PPP2R2C: variants seen among roughly 807,000 people sequenced by gnomAD.
PPP2R2C encodes the protein protein phosphatase 2 regulatory subunit Bgamma.
Under a neutral mutation model 45.3 loss-of-function variants are expected in PPP2R2C, and 10 were observed. The observed-to-expected ratio is 0.22, with a 90% CI of 0.14 to 0.37. The LOEUF (loss-of-function observed/expected upper bound fraction) is 0.37. PPP2R2C is among the 10% of genes least tolerant of loss of function. The probability of loss-of-function intolerance (pLI) is 1.00; values close to 1 mark genes in which losing one functional copy is unlikely to be tolerated. For synonymous variants in PPP2R2C, 257 were observed against 245.4 expected (o/e 1.05, Z -0.44); for missense variants, 308 against 619.7 (o/e 0.50, Z 5.34).
chr4:6,421,942 G>A (rs1271999136), intron 1 of PPP2R2C, among the ~76,000 whole-genome samples: 5 of 152,226 alleles, frequency 3.3e-5, no homozygotes, highest in African/African-American at 1.2e-4. Flanking sequence ...CAGAATGTAA[G>A]TGAAGTCAAC....
chr4:6,353,071 C>T (rs1425933603), intron 5 of PPP2R2C, among the ~76,000 whole-genome samples: 13 of 152,090 alleles, frequency 8.5e-5, no homozygotes, highest in Admixed American at 7.2e-4. Context: ...AGAGAGAGCA[C>T]GGCCCTGCCA....
At chr4:6,422,322 G>C (rs1719028745) in intron 1 of PPP2R2C, among the ~76,000 whole-genome samples, 1 of 152,206 alleles carries the variant, frequency 6.6e-6, no homozygotes, top group Non-Finnish European at 1.5e-5. Context: ...AGTGGACCAG[G>C]GTTCAACTAT....
chr4:6,415,910 C>T (rs1718547144), intron 1 of PPP2R2C, among the ~76,000 whole-genome samples: 1 of 152,210 alleles, frequency 6.6e-6, no homozygotes, highest in Non-Finnish European at 1.5e-5. Context: ...TCTAAACCTT[C>T]CTCCTAGAAG....
chr4:6,478,925 A>G (rs1200107420), intron 2 of PPP2R2C, among the ~76,000 whole-genome samples: 2 of 152,172 alleles, frequency 1.3e-5, no homozygotes, highest in African/African-American at 2.4e-5. Context: ...AGCTCACTCT[A>G]CAGCGTCGCT....
intron 2 of PPP2R2C, among the ~76,000 whole-genome samples, chr4:6,509,776 C>T (rs542071335): frequency 2.6e-5 from 4 of 152,312 alleles, no homozygotes; most frequent in South Asian, 4.1e-4. Flanking sequence ...TTTCACTCTC[C>T]GTGCCTTAGT....
At chr4:6,474,196 C>T (rs575382725), upstream of PPP2R2C, among the ~76,000 whole-genome samples, 234 of 150,838 alleles carry the variant, frequency 1.6e-3, 1 homozygote, top group African/African-American at 5.4e-3. Context: ...TGCTCACATG[C>T]CCCCCACCTC....
Position 6,471,810 on chromosome 4 carries a change from C to T in PPP2R2C, c.70+350G>A. ...AAACCATTAAATTTCCCCGAGATTTCTTCACCAGATTAGCCACAGCCGTGG... is the reference window on the plus strand; with the variant it reads ...AAACCATTAAATTTCCCCGAGATTTTTTCACCAGATTAGCCACAGCCGTGG... On this transcript the variant is annotated intron_variant, in intron 1 of 8. Coordinates refer to ENST00000382599, the MANE Select transcript of PPP2R2C (RefSeq NM_020416.4). The surrounding 1 kb of genome is among the most constrained non-coding windows in gnomAD (Gnocchi z 5.6). 3.7e-6 allele frequency: 1 copy of T among 272,620 alleles called. No homozygotes were observed. The allele number at this position is 272,620 out of a possible 1,614,324, so 16.9% of individuals were successfully genotyped here.
intron 1 of PPP2R2C, among the ~76,000 whole-genome samples, chr4:6,425,046 G>C (rs1292198911): frequency 6.6e-6 from 1 of 152,188 alleles, no homozygotes; most frequent in South Asian, 2.1e-4. Context: ...CTTAGCACGT[G>C]CCTGGCAGCC....
chr4:6,346,603 T>C (rs2109221237), intron 6 of PPP2R2C, among the ~76,000 whole-genome samples: 1 of 152,278 alleles, frequency 6.6e-6, no homozygotes, highest in Admixed American at 6.5e-5. Flanking sequence ...ACTGAATGCC[T>C]GGATGGCTGA....
In PPP2R2C at chr4:6,364,511, C is replaced by T. The variant is rs551807776; in HGVS notation, c.625+8012G>A. On this transcript the variant is annotated intron_variant, in intron 5 of 8. Transcript: ENST00000382599. The surrounding 1 kb of genome is among the most constrained non-coding windows in gnomAD (Gnocchi z 5.3). ...TTTTTTTTCTCATGTTGTAGGAGAA[C>T]AGACTGTAAGGAGACACCTGGGGAA... Among the ~76,000 whole-genome samples, 2 of 151,366 alleles carry T rather than the reference C, an allele frequency of 1.3e-5. No individual in the cohort carries two copies. The highest frequency in any genetic ancestry group is 2.1e-4 in the South Asian group (1 of 4,736).
At chr4:6,510,025 G>A (rs1202664348) in intron 2 of PPP2R2C, among the ~76,000 whole-genome samples, 1 of 152,106 alleles carries the variant, frequency 6.6e-6, no homozygotes, top group Non-Finnish European at 1.5e-5. Context: ...CACCACCATA[G>A]TCAGGCCAGC....
chr4:6,455,678 T>C (rs1006446247), intron 1 of PPP2R2C, among the ~76,000 whole-genome samples: 1 of 152,114 alleles, frequency 6.6e-6, no homozygotes, highest in Non-Finnish European at 1.5e-5. Context: ...CCAGAGACTT[T>C]TGATGACTCT....
At chr4:6,325,153 A>G (rs1267507146) in intron 8 of PPP2R2C, among the ~76,000 whole-genome samples, 1 of 152,108 alleles carries the variant, frequency 6.6e-6, no homozygotes, top group Non-Finnish European at 1.5e-5. Flanking sequence ...GCTCTGCCCT[A>G]CCCTGACATG....
Position 6,527,823 on chromosome 4 carries a change from C to T in PPP2R2C, c.49+7448G>A, listed in dbSNP as rs1221856338. On this transcript the variant is annotated intron_variant, in intron 2 of 9. Coordinates refer to the PPP2R2C transcript ENST00000506140. ...AGGCCACCCCTGAGCAATGGCCACCCGAGAAGTGACCTGGCTGCCACCCTG... is the reference window on the plus strand; with the variant it reads ...AGGCCACCCCTGAGCAATGGCCACCTGAGAAGTGACCTGGCTGCCACCCTG... Among the ~76,000 whole-genome samples, 8 of 152,304 alleles carry T rather than the reference C, an allele frequency of 5.3e-5. No individual in the cohort carries two copies. The East Asian group carries it at 1.5e-3, about 29-fold the overall frequency.
intron 1 of PPP2R2C, among the ~76,000 whole-genome samples, chr4:6,451,934 T>C (rs1161085769): frequency 6.6e-6 from 1 of 152,120 alleles, no homozygotes; most frequent in African/African-American, 2.4e-5. Flanking sequence ...GTGTGAACAG[T>C]GACACCACCC....
chr4:6,470,623 G>T (rs1331471193), intron 1 of PPP2R2C, among the ~76,000 whole-genome samples: 1 of 152,208 alleles, frequency 6.6e-6, no homozygotes, highest in Non-Finnish European at 1.5e-5. Context: ...CGAGGCACGG[G>T]CCAGCAACCC....
chr4:6,375,905 T>C lies in PPP2R2C; in HGVS notation c.361A>G (p.Thr121Ala). 6.2e-7 allele frequency: 1 copy of C among 1,613,546 alleles called. No individual in the cohort carries two copies. ...CCTTCGGGCCTTTTATCTCGTTCGG[T>C]AATCTTCCATAATTTGATAGTTTTA... ...NDKTIKLWKI[T>A]ERDKRPEGYN... The change falls in exon 4 of 9, where the codon ACC (threonine) becomes GCC (alanine). Residue 121 changes from threonine to alanine, a missense_variant. Physicochemically the swap from Thr to Ala is moderately conservative, Grantham distance 58 (BLOSUM62 0). Coordinates refer to ENST00000382599, the MANE Select transcript of PPP2R2C (RefSeq NM_020416.4).
chr4:6,500,061 C>A (rs1722998978), intron 2 of PPP2R2C, among the ~76,000 whole-genome samples: 1 of 152,196 alleles, frequency 6.6e-6, no homozygotes, highest in African/African-American at 2.4e-5. Flanking sequence ...CCACTGTGTC[C>A]CCAGGCTAGA....
At chr4:6,446,480 A>G (rs1372931570) in intron 1 of PPP2R2C, among the ~76,000 whole-genome samples, 1 of 152,180 alleles carries the variant, frequency 6.6e-6, no homozygotes, top group Non-Finnish European at 1.5e-5. Flanking sequence ...CCTGAGCCTC[A>G]GTTTCCTCAT....
Sources: gnomAD v4.1 joint callset for allele counts (sites outside exome capture counted in the v4.1 genomes callset) on GRCh38, gnomAD v4.1.1 for gene constraint, Gnocchi (gnomAD v3.1) non-coding constraint, MANE v1.5 for transcripts, NCBI Gene and HGNC (gene_info 2026-07-23, HGNC 2026-07-21) for gene names.